SLC25A48: variants seen among roughly 807,000 people sequenced by gnomAD.
The protein encoded by SLC25A48 is CTC-321K16.1.
A neutral mutation model predicts 32.2 loss-of-function variants in SLC25A48; 29 were observed. That is an observed-to-expected ratio of 0.90 (90% CI 0.67 to 1.23). SLC25A48 has a LOEUF of 1.23. SLC25A48 is among the 50% of genes most tolerant of loss of function. The probability of loss-of-function intolerance (pLI) is 0.00; values close to 1 mark genes in which losing one functional copy is unlikely to be tolerated. For synonymous variants in SLC25A48, 164 were observed against 172.3 expected (o/e 0.95, Z 0.38); for missense variants, 399 against 422.7 (o/e 0.94, Z 0.49).
intron 3 of SLC25A48, among the ~76,000 whole-genome samples, chr5:135,767,825 T>C (rs953916269): frequency 1.3e-5 from 2 of 151,622 alleles, no homozygotes; most frequent in African/African-American, 4.8e-5. Context: ...AGAAAGATGA[T>C]ATTACTCCCA....
intron 6 of SLC25A48, chr5:135,876,116 CTTTTTTTTCTTCTTCTTTTTTTTTTTTT>C (rs1202527806): frequency 2.4e-5 from 1 of 41,854 alleles, no homozygotes; most frequent in Non-Finnish European, 5.2e-5. Flanking sequence ...TCTTTTGTAT[CTTTTTTTTCTTCTTCTTTTTTTTTTTTT>C]TTTTTTTTTT....
intron 3 of SLC25A48, among the ~76,000 whole-genome samples, chr5:135,720,702 C>T (rs989861180): frequency 5.9e-5 from 9 of 151,912 alleles, no homozygotes; most frequent in Admixed American, 3.3e-4. Flanking sequence ...ATCCATTGCA[C>T]GGAGAGACCA....
chr5:135,789,426 C>G (rs1447397351), intron 3 of SLC25A48, among the ~76,000 whole-genome samples: 10 of 150,684 alleles, frequency 6.6e-5, no homozygotes, highest in Non-Finnish European at 1.3e-4. Context: ...GGTGTATACC[C>G]CACTGCAATA....
chr5:135,586,762 C>A (rs1751375951), intron 1 of SLC25A48, among the ~76,000 whole-genome samples: 1 of 152,018 alleles, frequency 6.6e-6, no homozygotes, highest in African/African-American at 2.4e-5. Context: ...GGGATCTGGG[C>A]AGGGGAGGGA....
At chr5:135,630,588 CTTT>C (rs869088370) in intron 2 of SLC25A48, among the ~76,000 whole-genome samples, 295 of 58,812 alleles carry the variant, frequency 5.0e-3, no homozygotes, top group African/African-American at 0.017. Flanking sequence ...GGCTGGGCAC[CTTT>C]TTTTTTTTTT....
At chr5:135,672,872 C>T (rs111714945) in intron 3 of SLC25A48, among the ~76,000 whole-genome samples, 1 of 152,128 alleles carries the variant, frequency 6.6e-6, no homozygotes, top group African/African-American at 2.4e-5. Context: ...AAATCCCTTC[C>T]TCCCTCCATC....
rs935417678 is a variant in SLC25A48 at position 135,815,039 on chromosome 5, G to A, written c.-117+2113G>A. ...AGTTTCATCTTACACAGTGAATTATGTGCATTTCCTCTTGGGCTCTGTGCT... is the reference window on the plus strand; with the variant it reads ...AGTTTCATCTTACACAGTGAATTATATGCATTTCCTCTTGGGCTCTGTGCT... On this transcript the variant is annotated intron_variant, in intron 4 of 10. Coordinates refer to the SLC25A48 transcript ENST00000646290. 2.0e-5 allele frequency among the ~76,000 whole-genome samples: 3 copies of A among 152,208 alleles called. No individual in the cohort carries two copies. The South Asian group carries it at 6.2e-4, about 32-fold the overall frequency.
chr5:135,830,062 T>G (rs1758163642), upstream of SLC25A48, among the ~76,000 whole-genome samples: 1 of 152,128 alleles, frequency 6.6e-6, no homozygotes, highest in Non-Finnish European at 1.5e-5. Flanking sequence ...CTCAAACACC[T>G]TAGATGGGTT....
At chr5:135,797,010 C>T (rs1365144305) in intron 3 of SLC25A48, among the ~76,000 whole-genome samples, 2 of 151,702 alleles carry the variant, frequency 1.3e-5, no homozygotes, top group Admixed American at 6.6e-5. Context: ...TTTCTAATAT[C>T]CAGGGGAGAA....
intron 3 of SLC25A48, among the ~76,000 whole-genome samples, chr5:135,642,595 C>T (rs1752864855): frequency 2.0e-5 from 3 of 152,186 alleles, no homozygotes; most frequent in South Asian, 4.1e-4. Flanking sequence ...GTTTTCTTGG[C>T]TCTTATTCAT....
At chr5:135,874,922 T>C (rs905474457) in intron 6 of SLC25A48, 1 of 443,514 alleles carries the variant, frequency 2.3e-6, no homozygotes, top group Non-Finnish European at 3.9e-6. Flanking sequence ...CAAAGTCAGA[T>C]GTAGCTACTG....
chr5:135,745,755 G>C (rs1755623174), intron 3 of SLC25A48, among the ~76,000 whole-genome samples: 2 of 152,152 alleles, frequency 1.3e-5, no homozygotes, highest in South Asian at 4.1e-4. Flanking sequence ...CTGATCCCCA[G>C]CTGTGTCCCC....
chr5:135,859,839 C>A (rs1274651597), intron 4 of SLC25A48, among the ~76,000 whole-genome samples: 2 of 152,098 alleles, frequency 1.3e-5, no homozygotes, highest in Non-Finnish European at 2.9e-5. Context: ...CCTCAAAGGG[C>A]AAATCTTAGG....
Position 135,842,423 on chromosome 5 carries a change from C to T in SLC25A48, c.54C>T (p.Ala18=). The T allele has an allele frequency of 6.2e-7, 1 of 1,613,876 alleles. No homozygotes were observed. The highest frequency in any genetic ancestry group is 1.3e-5 in the African/African-American group (1 of 75,028). ...DFAAGWIGGA[A]SVIVGHPLDT... ...TTCTTTTTTGATCCACAGGTGCAGC[C>T]AGTGTCATCGTTGGCCACCCTCTGG... is the stretch of plus-strand genomic sequence containing the variant. Residue 18 remains alanine, a synonymous_variant, in exon 2 of 8, where the codon GCC becomes GCT. Coordinates refer to ENST00000681962, the MANE Select transcript of SLC25A48 (RefSeq NM_001349336.2).
chr5:135,627,020 G>T (rs115877544), intron 1 of SLC25A48, among the ~76,000 whole-genome samples: 278 of 152,254 alleles, frequency 1.8e-3, no homozygotes, highest in African/African-American at 6.5e-3. Context: ...GGAGCCTGGG[G>T]AGAAAGGAGC....
intron 6 of SLC25A48, 94 bp from the exon 7 acceptor site, chr5:135,879,874 G>A: frequency 1.4e-6 from 2 of 1,477,090 alleles, no homozygotes; most frequent in Non-Finnish European, 1.8e-6. Flanking sequence ...CCGGGCCTGG[G>A]TAGGCAGCAC....
chr5:135,647,898 A>G (rs963849508), intron 3 of SLC25A48, among the ~76,000 whole-genome samples: 2 of 152,022 alleles, frequency 1.3e-5, no homozygotes, highest in African/African-American at 4.8e-5. Flanking sequence ...ACTGCGCTTT[A>G]GAAGGATCTT....
At position 135,852,809 on chromosome 5, in the gene SLC25A48, C is replaced by G. The variant is rs946309011; in HGVS notation, c.409C>G (p.Pro137Ala). ...GATCCGGTTGCAGATGCAGACACAA[C>G]CGTTTCGGGACGGTAAGAGGCCAGG... ...IKIRLQMQTQ[P>A]FRDANLGLKS... Residue 137 changes from proline (P) to alanine (A), a missense_variant, in exon 4 of 8, where the codon CCG (proline) becomes GCG (alanine). Physicochemically the swap from Pro to Ala is conservative, Grantham distance 27. Coordinates refer to ENST00000681962, the MANE Select transcript of SLC25A48 (RefSeq NM_001349336.2). The G allele has an allele frequency of 5.0e-6, 8 of 1,607,736 alleles. No homozygotes were observed. The highest frequency in any genetic ancestry group is 6.8e-6 in the Non-Finnish European group (8 of 1,174,924).
chr5:135,799,115 G>A (rs931551120), intron 3 of SLC25A48, among the ~76,000 whole-genome samples: 18 of 151,626 alleles, frequency 1.2e-4, no homozygotes, highest in Non-Finnish European at 2.2e-4. Context: ...TGTACAGGGC[G>A]GGAGAGGATG....
Sources: allele counts gnomAD v4.1 joint callset (sites outside exome capture counted in the v4.1 genomes callset), GRCh38; gene constraint gnomAD v4.1.1; transcripts MANE v1.5; gene names NCBI Gene and HGNC (gene_info 2026-07-23, HGNC 2026-07-21).